Variants in SDK1 observed in about 807,000 individuals in gnomAD.
SDK1 encodes the protein sidekick cell adhesion molecule 1.
In SDK1, 157 loss-of-function variants were observed where a neutral mutation model predicts 245.5. The observed-to-expected ratio is 0.64, with a 90% CI of 0.56 to 0.73. SDK1 has a LOEUF of 0.73. SDK1 is among the 30% of genes least tolerant of loss of function. The pLI, the probability that SDK1 is intolerant of heterozygous loss-of-function variation, is 0.00. For synonymous variants in SDK1, 1,647 were observed against 1,278.5 expected (o/e 1.29, Z -6.15); for missense variants, 3,583 against 3,002.3 (o/e 1.19, Z -4.52).
intron 42 of SDK1, among the ~76,000 whole-genome samples, chr7:4,240,891 C>T (rs557248899): frequency 4.6e-5 from 7 of 152,124 alleles, no homozygotes; most frequent in East Asian, 3.9e-4. Flanking sequence ...GGGAGAAACC[C>T]GTGTTAGGGA....
chr7:3,599,048 A>G (rs1026225814), intron 1 of SDK1, among the ~76,000 whole-genome samples: 4 of 145,818 alleles, frequency 2.7e-5, no homozygotes, highest in Admixed American at 6.8e-5. Context: ...CAGAGTGTCT[A>G]TAGTACTCTG....
At chr7:3,726,062 A>G (rs576509432) in intron 4 of SDK1, among the ~76,000 whole-genome samples, 44 of 152,376 alleles carry the variant, frequency 2.9e-4, no homozygotes, top group African/African-American at 9.9e-4. Context: ...ATCACCTTAC[A>G]TCTGCCTAAT....
chr7:4,166,949 G>A (rs982412952), intron 32 of SDK1, among the ~76,000 whole-genome samples: 3 of 152,146 alleles, frequency 2.0e-5, no homozygotes, highest in East Asian at 1.9e-4. Context: ...GGCTTTCCCT[G>A]CAGGTCCTGC....
chr7:3,743,707 G>A (rs1248185679), intron 4 of SDK1, among the ~76,000 whole-genome samples: 11 of 152,108 alleles, frequency 7.2e-5, no homozygotes, highest in African/African-American at 2.7e-4. Context: ...AGTAGATGTC[G>A]GAGGAGGAGG....
At chr7:3,622,671 A>G (rs749744970) in intron 2 of SDK1, among the ~76,000 whole-genome samples, 20 of 152,218 alleles carry the variant, frequency 1.3e-4, no homozygotes, top group Non-Finnish European at 2.4e-4. Flanking sequence ...TGGAAACACA[A>G]GAAGACAAAA....
chr7:4,257,704 A>G (rs547736727), intron 44 of SDK1, among the ~76,000 whole-genome samples: 4 of 152,272 alleles, frequency 2.6e-5, no homozygotes, highest in African/African-American at 9.6e-5. Context: ...CTTTCTGTAC[A>G]ATGGTTATGT....
chr7:3,610,215 TG>T (rs1781547224), intron 1 of SDK1, among the ~76,000 whole-genome samples: 1 of 152,230 alleles, frequency 6.6e-6, no homozygotes, highest in Non-Finnish European at 1.5e-5. Flanking sequence ...TCAGTTTTTA[TG>T]GCAGTACATA....
At chr7:3,650,594 G>C (rs1782982880) in intron 4 of SDK1, among the ~76,000 whole-genome samples, 1 of 152,168 alleles carries the variant, frequency 6.6e-6, no homozygotes, top group African/African-American at 2.4e-5. Flanking sequence ...TTGTTAAACT[G>C]TGTTACGGTA....
chr7:4,212,258 T>C (rs1253506790), intron 38 of SDK1, among the ~76,000 whole-genome samples: 1 of 152,220 alleles, frequency 6.6e-6, no homozygotes, highest in Admixed American at 6.5e-5. Context: ...GCACTAGTTT[T>C]TTATTTCACT....
intron 2 of SDK1, among the ~76,000 whole-genome samples, chr7:3,637,491 T>C (rs1782496889): frequency 1.3e-5 from 2 of 152,236 alleles, no homozygotes; most frequent in Admixed American, 1.3e-4. Flanking sequence ...TCAATTACTC[T>C]ACCATCTTGG....
chr7:4,107,775 G>A (rs1011125843), intron 22 of SDK1, among the ~76,000 whole-genome samples: 3 of 152,186 alleles, frequency 2.0e-5, no homozygotes, highest in Non-Finnish European at 2.9e-5. Flanking sequence ...GCAGCCGGGG[G>A]CCTCCCACGG....
At chr7:3,747,097 T>A (rs997709450) in intron 4 of SDK1, among the ~76,000 whole-genome samples, 7 of 152,212 alleles carry the variant, frequency 4.6e-5, no homozygotes, top group Non-Finnish European at 7.3e-5. Flanking sequence ...CCATGAGAAC[T>A]CTTGGGTAAC....
At chr7:3,556,466 A>G (rs1779590896) in intron 1 of SDK1, among the ~76,000 whole-genome samples, 1 of 152,154 alleles carries the variant, frequency 6.6e-6, no homozygotes, top group South Asian at 2.1e-4. Flanking sequence ...AGTTAGAATG[A>G]ATAAGATCTA....
intron 5 of SDK1, among the ~76,000 whole-genome samples, chr7:3,856,440 C>T (rs114363619): frequency 0.014 from 2,030 of 144,674 alleles, 56 homozygotes; most frequent in African/African-American, 0.05. Flanking sequence ...ACAAGACTAA[C>T]TTCAACCCAA....
rs563063958 is a variant in SDK1, at chr7:3,470,346, G to GGT, written c.299-148733_299-148732dup. Among the ~76,000 whole-genome samples, 560 of 152,184 alleles carry GGT rather than the reference G, an allele frequency of 3.7e-3. 7 individuals are homozygous for GGT. Among genetic ancestry groups the GGT allele is most frequent in the African/African-American group, 0.012 (514 of 41,524 alleles). On this transcript the variant is annotated intron_variant, in intron 1 of 44. Coordinates refer to ENST00000404826, the MANE Select transcript of SDK1 (RefSeq NM_152744.4). ...CACTGTGTGCCTCAGAGATAGTCAA[G>GGT]GTACTACCCTGAAAACGTGTACAAC...
chr7:3,582,683 TAAAAAAAAAAAA>T (rs71029682), intron 1 of SDK1, among the ~76,000 whole-genome samples: 1 of 69,672 alleles, frequency 1.4e-5, no homozygotes, highest in Non-Finnish European at 2.7e-5. Flanking sequence ...TAAACTAAAG[TAAAAAAAAAAAA>T]AAAAAAAAAA....
rs199837246 is a variant in SDK1 at position 3,950,881 on chromosome 7, G to A, written c.848-42G>A. The A allele has an allele frequency of 5.8e-5, 87 of 1,507,396 alleles. No homozygotes were observed. The East Asian group carries it at 1.8e-3, about 31-fold the overall frequency. The allele number at this position is 1,507,396 out of a possible 1,614,324, so 93.4% of individuals were successfully genotyped here. ...TCAGATAACGGCGGGGGGTGCTCCT[G>A]TACTTAGAGTTTCATGGACATTTCT... On this transcript the variant is annotated intron_variant, in intron 5 of 44. Coordinates refer to ENST00000404826, the MANE Select transcript of SDK1 (RefSeq NM_152744.4).
chr7:3,633,855 T>A (rs964280173), intron 2 of SDK1, among the ~76,000 whole-genome samples: 2 of 152,022 alleles, frequency 1.3e-5, no homozygotes, highest in Non-Finnish European at 2.9e-5. Flanking sequence ...TGAGCCACAG[T>A]CACTCTGGAA....
chr7:4,074,914 ATATTT>A (rs1780556467), intron 20 of SDK1, among the ~76,000 whole-genome samples: 3 of 77,124 alleles, frequency 3.9e-5, no homozygotes, highest in African/African-American at 3.1e-4. Context: ...ATATATATAT[ATATTT>A]TTTTTTTTTT....
Sources: gnomAD v4.1 joint callset for allele counts (sites outside exome capture counted in the v4.1 genomes callset) on GRCh38, gnomAD v4.1.1 for gene constraint, MANE v1.5 for transcripts, NCBI Gene and HGNC (gene_info 2026-07-23, HGNC 2026-07-21) for gene names.